Variants in DNAAF9 observed in about 807,000 individuals in gnomAD.
DNAAF9 encodes shulin.
Under a neutral mutation model 167.0 loss-of-function variants are expected in DNAAF9, and 90 were observed. The observed-to-expected ratio is 0.54, with a 90% CI of 0.45 to 0.64. The LOEUF is 0.64. Ranked by LOEUF, DNAAF9 falls within the 30% of genes least tolerant of loss-of-function variation. DNAAF9 has a pLI of 0.00. For missense variants in DNAAF9, 1,315 were observed against 1,442.2 expected, an observed-to-expected ratio of 0.91 and a Z score of 1.43; for synonymous variants, 491 against 508.8, an observed-to-expected ratio of 0.96 and a Z score of 0.47.
intron 3 of DNAAF9, among the ~76,000 whole-genome samples, chr20:3,376,879 A>G (rs1257836728): frequency 6.6e-6 from 1 of 152,168 alleles, no homozygotes; most frequent in East Asian, 1.9e-4. Flanking sequence ...CCTGACCAAC[A>G]TGGTGAAACC....
chr20:3,295,510 A>G (rs1311664224), intron 23 of DNAAF9: 1 of 280,472 alleles, frequency 3.6e-6, no homozygotes, highest in African/African-American at 2.3e-5. Flanking sequence ...GCCCAAACAC[A>G]TTTTCTTGCT....
At position 3,252,624 on chromosome 20, in the gene DNAAF9, T is replaced by G. The variant is rs761982850; in HGVS notation, c.3482A>C (p.Asn1161Thr). 6.2e-7 allele frequency: 1 copy of G among 1,613,300 alleles called. No individual in the cohort carries two copies. Among genetic ancestry groups the G allele is most frequent in the Non-Finnish European group, 8.5e-7 (1 of 1,179,202 alleles). The change falls in exon 37 of 37, where the codon AAC (asparagine) becomes ACC (threonine). Residue 1161 changes from asparagine (N) to threonine (T), a missense_variant. Asn to Thr is a moderately conservative substitution (Grantham distance 65). This residue lies in a region of DNAAF9 where 334 missense variants were observed against 429.7 expected (regional missense o/e 0.78). Coordinates refer to ENST00000252032, the MANE Select transcript of DNAAF9 (RefSeq NM_001009984.3). Reference sequence around the variant, plus strand: ...ATACTCCTGCTGTTCCAGCTCCTGGTTATACTTCTCAATTTCCCGGTTGGC... The same window carrying G: ...ATACTCCTGCTGTTCCAGCTCCTGGGTATACTTCTCAATTTCCCGGTTGGC... ...EEANREIEKYNQELEQQEYHD... is the reference protein window; with the variant it reads ...EEANREIEKYTQELEQQEYHD...
At chr20:3,406,188 G>T (rs1347689268) in intron 1 of DNAAF9, among the ~76,000 whole-genome samples, 1 of 152,156 alleles carries the variant, frequency 6.6e-6, no homozygotes, top group East Asian at 1.9e-4. Context: ...AAAGAAACAG[G>T]TTTCTAAGAA....
chr20:3,264,460 G>T lies in DNAAF9; in HGVS notation c.2851C>A (p.Arg951=). 1.3e-6 allele frequency: 2 copies of T among 1,526,274 alleles called. No homozygotes were observed. Among genetic ancestry groups the T allele is most frequent in the South Asian group, 1.1e-5 (1 of 89,108 alleles). The allele number at this position is 1,526,274 out of a possible 1,614,324, so 94.5% of individuals were successfully genotyped here. Residue 951 remains arginine (R), a synonymous_variant, in exon 31 of 37, where the codon CGA becomes AGA. Coordinates refer to ENST00000252032, the MANE Select transcript of DNAAF9 (RefSeq NM_001009984.3). ...TGCCAGCCAGGATACATTAAATATC[G>T]AGATCGTAGCATCTCAGGACTTGAA... ...SFSSPEMLRS[R]YLMYPGWYEG... is the part of the protein sequence containing the mutation.
Position 3,375,110 on chromosome 20 carries a change from GCTT to G in DNAAF9, c.422_424del (p.Glu141del). 1 of 1,605,898 alleles carries G rather than the reference GCTT, an allele frequency of 6.2e-7. No homozygotes were observed. The highest frequency in any genetic ancestry group is 8.5e-7 in the Non-Finnish European group (1 of 1,172,716). On this transcript the variant is annotated inframe_deletion, in exon 5 of 37. Coordinates refer to ENST00000252032, the MANE Select transcript of DNAAF9 (RefSeq NM_001009984.3). ...GCTGGTAATTTTAAATTCTTCTGCG[GCTT>G]CTTCATCTTCATACTGAAGAGACAA...
chr20:3,302,019 T>G (rs1399689386), intron 21 of DNAAF9, among the ~76,000 whole-genome samples: 1 of 152,120 alleles, frequency 6.6e-6, no homozygotes, highest in Non-Finnish European at 1.5e-5. Context: ...CTTGGCTCAC[T>G]GCAACCTCCA....
At chr20:3,331,938 T>C (rs764252394) in intron 11 of DNAAF9, among the ~76,000 whole-genome samples, 3 of 152,206 alleles carry the variant, frequency 2.0e-5, no homozygotes, top group Non-Finnish European at 4.4e-5. Context: ...CCTCCCAAAG[T>C]GCTGGGATTA....
chr20:3,351,239 T>TC (rs1376456532), intron 7 of DNAAF9, among the ~76,000 whole-genome samples: 5 of 152,174 alleles, frequency 3.3e-5, no homozygotes, highest in Non-Finnish European at 7.4e-5. Flanking sequence ...ATGCCTGTAA[T>TC]CCCAGCACTC....
intron 33 of DNAAF9, among the ~76,000 whole-genome samples, chr20:3,257,879 G>A (rs1410656244): frequency 2.6e-5 from 4 of 152,038 alleles, no homozygotes; most frequent in Admixed American, 6.6e-5. Context: ...GTGGGTGTCC[G>A]CCACCACACC....
intron 8 of DNAAF9, among the ~76,000 whole-genome samples, chr20:3,344,624 C>T (rs2070157513): frequency 6.8e-6 from 1 of 146,250 alleles, no homozygotes; most frequent in East Asian, 1.9e-4. Flanking sequence ...CACACACACA[C>T]ACACACACAC....
chr20:3,392,515 C>A (rs1257677827), intron 1 of DNAAF9, among the ~76,000 whole-genome samples: 1 of 152,194 alleles, frequency 6.6e-6, no homozygotes, highest in Non-Finnish European at 1.5e-5. Flanking sequence ...TGAGCAGGTA[C>A]CCTGACTCTG....
At chr20:3,343,593 G>C (rs890873400) in intron 9 of DNAAF9, 83 bp downstream of exon 9, 64 of 1,000,626 alleles carry the variant, frequency 6.4e-5, no homozygotes, top group Non-Finnish European at 1.1e-5. Flanking sequence ...TTCTGAACTT[G>C]AATGCACCCC....
chr20:3,301,197 CT>C (rs2069182154), intron 21 of DNAAF9, among the ~76,000 whole-genome samples: 2 of 91,246 alleles, frequency 2.2e-5, no homozygotes, highest in Non-Finnish European at 4.6e-5. Flanking sequence ...TTTTTTTTTT[CT>C]TTTTTTGAGA....
intron 12 of DNAAF9, among the ~76,000 whole-genome samples, chr20:3,329,434 C>T (rs956278706): frequency 6.6e-6 from 1 of 152,324 alleles, no homozygotes; most frequent in South Asian, 2.1e-4. Flanking sequence ...CCTGGGATTT[C>T]AGGTGAGCCA....
intron 21 of DNAAF9, among the ~76,000 whole-genome samples, chr20:3,300,340 T>C (rs1358296618): frequency 1.3e-5 from 2 of 152,156 alleles, no homozygotes; most frequent in African/African-American, 4.8e-5. Context: ...TCATTTAGGT[T>C]GTCTTTAATT....
At chr20:3,336,122 C>CA (rs929510026) in intron 10 of DNAAF9, among the ~76,000 whole-genome samples, 42 of 149,150 alleles carry the variant, frequency 2.8e-4, no homozygotes, top group Admixed American at 1.8e-3. Flanking sequence ...GACCCCATTT[C>CA]AAAAAAAAAA....
chr20:3,347,465 C>G (rs1050528698), intron 8 of DNAAF9, among the ~76,000 whole-genome samples: 1 of 151,984 alleles, frequency 6.6e-6, no homozygotes, highest in Non-Finnish European at 1.5e-5. Context: ...TGAAGAGCAC[C>G]AGAGAGAGCA....
chr20:3,294,181 C>T lies in DNAAF9; in HGVS notation c.2196G>A (p.Gln732=), dbSNP rs1318749131. The T allele has an allele frequency of 9.9e-6, 16 of 1,611,918 alleles. No homozygotes were observed. The highest frequency in any genetic ancestry group is 1.4e-5 in the Non-Finnish European group (16 of 1,178,000). The part of the protein sequence containing the change: ...VMRTHLPVLL[Q]QAEINTTHRI... Reference sequence around the variant, plus strand: ...TGTGAGTAGTGTTGATTTCAGCTTGCTGCAGCAGCACAGGAAGATGGGTCC... The same window carrying T: ...TGTGAGTAGTGTTGATTTCAGCTTGTTGCAGCAGCACAGGAAGATGGGTCC... Residue 732 remains glutamine (Q), a synonymous_variant, in exon 25 of 37, where the codon CAG becomes CAA. Transcript: ENST00000252032.
chr20:3,353,689 A>G (rs1030082544), intron 7 of DNAAF9, among the ~76,000 whole-genome samples: 5 of 141,394 alleles, frequency 3.5e-5, no homozygotes, highest in Admixed American at 7.8e-5. Context: ...CTGTGTTTCA[A>G]TTCTATTAGA....
Sources: gnomAD v4.1 joint callset for allele counts (sites outside exome capture counted in the v4.1 genomes callset) on GRCh38, gnomAD v4.1.1 for gene constraint, gnomAD v4.1.1 regional missense constraint, MANE v1.5 for transcripts, NCBI Gene and HGNC (gene_info 2026-07-23, HGNC 2026-07-21) for gene names.